Variants in TAOK2 observed in about 807,000 individuals in gnomAD.
TAOK2 encodes serine/threonine-protein kinase TAO2.
Under a neutral mutation model 122.5 loss-of-function variants are expected in TAOK2, and 42 were observed. The ratio of observed to expected loss-of-function variants is 0.34; its 90% CI spans 0.27 to 0.44. The LOEUF (loss-of-function observed/expected upper bound fraction) is 0.44, where lower values mean the gene tolerates loss of function less well. TAOK2 is among the 20% of genes least tolerant of loss of function. TAOK2 has a pLI of 1.00. For missense variants in TAOK2, 1,264 were observed against 1,644.9 expected (o/e 0.77, Z 4.01); for synonymous variants, 704 against 677.6 (o/e 1.04, Z -0.61).
downstream of TAOK2, chr16:29,990,767 T>G: frequency 6.3e-7 from 1 of 1,595,398 alleles, no homozygotes; most frequent in Non-Finnish European, 8.6e-7. Context: ...CTACAACTGG[T>G]TGTTCATCTT....
At chr16:29,991,427 C>G, downstream of TAOK2, 1 of 1,527,072 alleles carries the variant, frequency 6.5e-7, no homozygotes. The surrounding 1 kb of genome is among the most constrained non-coding windows in gnomAD (Gnocchi z 5.6). Flanking sequence ...GAAACAGCCC[C>G]CAGCCCCTGC....
intron 13 of TAOK2, among the ~76,000 whole-genome samples, chr16:29,984,309 C>T (rs1295024885): frequency 6.6e-6 from 1 of 152,240 alleles, no homozygotes; most frequent in East Asian, 1.9e-4. Flanking sequence ...GCTCTCTGCT[C>T]CTGTAAGCAG....
At chr16:29,976,325 A>C (rs779542045) in intron 1 of TAOK2, among the ~76,000 whole-genome samples, 1 of 152,172 alleles carries the variant, frequency 6.6e-6, no homozygotes, top group African/African-American at 2.4e-5. Flanking sequence ...GCAGAGAGCA[A>C]TCACTCAGTC....
rs867276829 is a variant in TAOK2, at chr16:29,977,445, A to G, written c.-35-293A>G. On this transcript the variant is annotated intron_variant, in intron 1 of 15. Transcript: ENST00000308893. ...ATCCTTGAGGGGAGATACAGGGGCT[A>G]TAGGGAAATGAGAACTTGTTGAGCA... Among the ~76,000 whole-genome samples the G allele has an allele frequency of 3.3e-5, 5 of 152,260 alleles. No individual in the cohort carries two copies. In the South Asian group the frequency reaches 8.3e-4, roughly 25 times the overall value.
rs1225947107 is a variant in TAOK2, at chr16:29,978,266, C to T, written c.219C>T (p.Ile73=). The T allele has an allele frequency of 1.2e-6, 2 of 1,613,962 alleles. No homozygotes were observed. The highest frequency in any genetic ancestry group is 1.7e-6 in the Non-Finnish European group (2 of 1,180,010). ...GKQSNEKWQD[I]IKEVRFLQKL... Reference sequence around the variant, plus strand: ...TGACCCCCTAGAAATGGCAAGACATCATCAAGGAGGTGCGGTTCTTACAGA... The same window carrying T: ...TGACCCCCTAGAAATGGCAAGACATTATCAAGGAGGTGCGGTTCTTACAGA... The change falls in exon 4 of 16, where the codon ATC becomes ATT. Residue 73 remains isoleucine (I), a synonymous_variant. Coordinates refer to ENST00000308893, the MANE Select transcript of TAOK2 (RefSeq NM_016151.4).
downstream of TAOK2, chr16:29,991,360 G>T (rs1238631075): frequency 6.3e-7 from 1 of 1,592,216 alleles, no homozygotes; most frequent in Non-Finnish European, 8.6e-7. This position sits in a 1 kb window ranked among gnomAD's most constrained non-coding sequence, Gnocchi z 5.6. Flanking sequence ...CCCCCAAACT[G>T]GCTGGGGCCC....
chr16:29,979,043 A>G lies in TAOK2; in HGVS notation c.422A>G (p.Tyr141Cys). Reference protein sequence around the residue: ...VTHGALQGLAYLHSHNMIHRD... With the variant: ...VTHGALQGLACLHSHNMIHRD... Reference sequence around the variant, plus strand: ...CACGGGGCGCTTCAGGGCCTGGCATATCTGCACTCCCACAACATGATCCAT... The same window carrying G: ...CACGGGGCGCTTCAGGGCCTGGCATGTCTGCACTCCCACAACATGATCCAT... The change falls in exon 6 of 16, where the codon TAT becomes TGT. Residue 141 changes from tyrosine (Y) to cysteine (C), a missense_variant. By Grantham distance (194) the Tyr-to-Cys change is radical. Coordinates refer to ENST00000308893, the MANE Select transcript of TAOK2 (RefSeq NM_016151.4). This position sits in a 1 kb window ranked among gnomAD's most constrained non-coding sequence, Gnocchi z 4.1. 1 of 1,614,128 alleles carries G rather than the reference A, an allele frequency of 6.2e-7. No individual in the cohort carries two copies. Among genetic ancestry groups the G allele is most frequent in the Non-Finnish European group, 8.5e-7 (1 of 1,180,014 alleles).
downstream of TAOK2, chr16:29,988,839 G>C: frequency 2.0e-6 from 2 of 985,428 alleles, no homozygotes; most frequent in Non-Finnish European, 2.4e-6. Context: ...TATGAAGGCT[G>C]TGGCAGCAGG....
chr16:29,984,258 C>T (rs1162233843), intron 13 of TAOK2, among the ~76,000 whole-genome samples: 1 of 152,220 alleles, frequency 6.6e-6, no homozygotes, highest in Non-Finnish European at 1.5e-5. Flanking sequence ...AAATGAGGCA[C>T]CTGTGGCTCA....
chr16:29,979,222 G>T lies in TAOK2; in HGVS notation c.477G>T (p.Leu159=), dbSNP rs2069546522. 2.5e-6 allele frequency: 4 copies of T among 1,614,220 alleles called. No homozygotes were observed. The highest frequency in any genetic ancestry group is 3.4e-6 in the Non-Finnish European group (4 of 1,180,038). The part of the protein sequence containing the change: ...HRDVKAGNIL[L]SEPGLVKLGD... ...ATGTGAAGGCTGGAAACATCCTGCT[G>T]TCAGAGCCAGGGTTAGTGAAGCTAG... Residue 159 remains leucine, a synonymous_variant, in exon 7 of 16, where the codon CTG becomes CTT. Transcript: ENST00000308893. This position sits in a 1 kb window ranked among gnomAD's most constrained non-coding sequence, Gnocchi z 4.1.
chr16:29,987,227 G>A lies in TAOK2; in HGVS notation c.2955G>A (p.Leu985=). 1 of 1,541,190 alleles carries A rather than the reference G, an allele frequency of 6.5e-7. No homozygotes were observed. Among genetic ancestry groups the A allele is most frequent in the Non-Finnish European group, 8.7e-7 (1 of 1,150,256 alleles). The change falls in exon 16 of 16, where the codon CTG becomes CTA. Residue 985 remains leucine, a synonymous_variant. Transcript: ENST00000308893. ...TGGCAGCCCAGGGTGGGGGTGGCCT[G>A]CAGGCAGCGCTGCTGGCCCTTGAGG... ...PLLAAQGGGG[L]QAALLALEVG...
At chr16:29,975,645 G>C (rs1419501529) in intron 1 of TAOK2, among the ~76,000 whole-genome samples, 2 of 152,168 alleles carry the variant, frequency 1.3e-5, no homozygotes, top group Non-Finnish European at 2.9e-5. Context: ...CAATCCCAGG[G>C]TTTGGCCTGG....
downstream of TAOK2, chr16:29,988,883 G>A (rs2069897452): frequency 7.1e-6 from 7 of 985,410 alleles, no homozygotes; most frequent in Non-Finnish European, 8.4e-6. Flanking sequence ...AGCTGAGTGT[G>A]TGAGGGGCCG....
In TAOK2 at chr16:29,985,741, G is replaced by GGCGGAGGAGGAAGCAGGGCTGCT. The variant is rs1209708833; in HGVS notation, c.1877_1899dup (p.Gln635ArgfsTer40). ...AGAAGGAGCAGCTCCAGCAGTGCCA[G>GGCGGAGGAGGAAGCAGGGCTGCT]GCGGAGGAGGAAGCAGGGCTGCTGC... is the stretch of plus-strand genomic sequence containing the variant. On this transcript the variant is annotated frameshift_variant, in exon 15 of 16. Transcript: ENST00000308893. LOFTEE classifies it high-confidence loss of function. This position sits in a 1 kb window ranked among gnomAD's most constrained non-coding sequence, Gnocchi z 6.9. The GGCGGAGGAGGAAGCAGGGCTGCT allele has an allele frequency of 1.2e-6, 2 of 1,610,824 alleles. No individual in the cohort carries two copies. The highest frequency in any genetic ancestry group is 3.3e-5 in the Admixed American group (2 of 59,706).
At chr16:29,988,991 C>A, downstream of TAOK2, 2 of 985,326 alleles carry the variant, frequency 2.0e-6, no homozygotes, top group Non-Finnish European at 2.4e-6. Flanking sequence ...CCTCTGCGGC[C>A]CAAAATGGGG....
Position 29,985,455 on chromosome 16 carries a change from A to G in TAOK2, c.1665A>G (p.Arg555=). 6.2e-7 allele frequency: 1 copy of G among 1,612,162 alleles called. No individual in the cohort carries two copies. The highest frequency in any genetic ancestry group is 8.5e-7 in the Non-Finnish European group (1 of 1,179,242). ...RHQAIGEKEA[R]AAQAEERKFQ... ...AGGCCATAGGTGAGAAGGAGGCACG[A>G]GCTGCCCAGGCCGAGGAGCGGAAGT... Residue 555 remains arginine, a synonymous_variant, in exon 14 of 16, where the codon CGA becomes CGG. Transcript: ENST00000308893. The surrounding 1 kb of genome is among the most constrained non-coding windows in gnomAD (Gnocchi z 6.9).
intron 10 of TAOK2, among the ~76,000 whole-genome samples, chr16:29,982,311 T>C (rs1365320822): frequency 6.6e-6 from 1 of 152,158 alleles, no homozygotes; most frequent in Non-Finnish European, 1.5e-5. Context: ...TTTTGAATTA[T>C]CAAAAATGGA....
chr16:29,978,211 A>C, intron 3 of TAOK2, 41 bp from the exon 4 acceptor site: 1 of 1,614,008 alleles, frequency 6.2e-7, no homozygotes, highest in Non-Finnish European at 8.5e-7. Flanking sequence ...TCCTGTCTCA[A>C]GATGCAAGCT....
Position 29,987,197 on chromosome 16 carries a change from A to G in TAOK2, c.2925A>G (p.Pro975=). ...LLPLLLLLLL[P]LLAAQGGGGL... ...CCCTCCTGCTGCTGCTGCTGCTTCC[A>G]TTGCTGGCAGCCCAGGGTGGGGGTG... The change falls in exon 16 of 16, where the codon CCA becomes CCG. Residue 975 remains proline (P), a synonymous_variant. Transcript: ENST00000308893. 3 of 1,551,674 alleles carry G rather than the reference A, an allele frequency of 1.9e-6. No homozygotes were observed. The highest frequency in any genetic ancestry group is 2.6e-6 in the Non-Finnish European group (3 of 1,154,378).
Sources: gnomAD v4.1 joint callset for allele counts (sites outside exome capture counted in the v4.1 genomes callset) on GRCh38, gnomAD v4.1.1 for gene constraint, Gnocchi (gnomAD v3.1) non-coding constraint, MANE v1.5 for transcripts, NCBI Gene and HGNC (gene_info 2026-07-23, HGNC 2026-07-21) for gene names.